The following BRINP3 variants were observed in gnomAD, a reference collection of about 807,000 sequenced individuals.
The protein encoded by BRINP3 is BMP/retinoic acid-inducible neural-specific protein 3.
In BRINP3, 19 loss-of-function variants were observed where a neutral mutation model predicts 71.0. That is an observed-to-expected ratio of 0.27 (90% CI 0.19 to 0.39). The LOEUF (loss-of-function observed/expected upper bound fraction) is 0.39. Ranked by LOEUF, BRINP3 falls within the 10% of genes least tolerant of loss-of-function variation. The probability of loss-of-function intolerance (pLI) is 1.00; values close to 1 mark genes in which losing one functional copy is unlikely to be tolerated. For synonymous variants in BRINP3, 380 were observed against 337.7 expected (o/e 1.13, Z -1.37); for missense variants, 959 against 940.8 (o/e 1.02, Z -0.25).
chr1:190,277,704 T>G (rs1301553898), intron 3 of BRINP3, among the ~76,000 whole-genome samples: 1 of 151,782 alleles, frequency 6.6e-6, no homozygotes. Context: ...TTAGTATTTG[T>G]CATATATTGA....
intron 4 of BRINP3, among the ~76,000 whole-genome samples, chr1:190,251,253 A>G (rs1337838337): frequency 6.6e-6 from 1 of 151,936 alleles, no homozygotes; most frequent in Non-Finnish European, 1.5e-5. Context: ...ACTTATAACT[A>G]TGAGCATAAT....
At chr1:190,209,593 C>A (rs1655809681) in intron 6 of BRINP3, among the ~76,000 whole-genome samples, 1 of 152,104 alleles carries the variant, frequency 6.6e-6, no homozygotes, top group African/African-American at 2.4e-5. Flanking sequence ...GCATGAGTGA[C>A]AACTTTGTAT....
chr1:190,357,940 G>A (rs1369793426), intron 2 of BRINP3, among the ~76,000 whole-genome samples: 1 of 151,380 alleles, frequency 6.6e-6, no homozygotes, highest in Admixed American at 6.6e-5. Flanking sequence ...ATGGTTCTGG[G>A]AAAACTGGCT....
chr1:190,165,835 T>C (rs1651484298), intron 6 of BRINP3, among the ~76,000 whole-genome samples: 1 of 152,094 alleles, frequency 6.6e-6, no homozygotes, highest in Non-Finnish European at 1.5e-5. Context: ...CAAGAAAAGT[T>C]GAGACAGAGA....
chr1:190,208,202 C>T (rs971469774), intron 6 of BRINP3, among the ~76,000 whole-genome samples: 25 of 151,850 alleles, frequency 1.6e-4, no homozygotes, highest in Admixed American at 3.9e-4. Flanking sequence ...AAGCTATCCA[C>T]CCAACACGGC....
chr1:190,134,554 T>C (rs1350292759), intron 7 of BRINP3, among the ~76,000 whole-genome samples: 1 of 152,082 alleles, frequency 6.6e-6, no homozygotes, highest in Non-Finnish European at 1.5e-5. Context: ...AGTTATACTT[T>C]TAGGAAGACA....
chr1:190,217,798 CT>C (rs1239750970), intron 6 of BRINP3, among the ~76,000 whole-genome samples: 2 of 151,918 alleles, frequency 1.3e-5, no homozygotes, highest in Non-Finnish European at 2.9e-5. Flanking sequence ...TGGCAAGAGC[CT>C]TTGGTTATAA....
At chr1:190,424,037 T>A (rs1411893348) in intron 2 of BRINP3, among the ~76,000 whole-genome samples, 1 of 151,796 alleles carries the variant, frequency 6.6e-6, no homozygotes, top group East Asian at 1.9e-4. Context: ...GGACTTTTTT[T>A]GTTGGTATAT....
intron 7 of BRINP3, among the ~76,000 whole-genome samples, chr1:190,154,804 G>A (rs1656719677): frequency 6.6e-6 from 1 of 152,084 alleles, no homozygotes; most frequent in Admixed American, 6.6e-5. Context: ...TTAGTTGCAG[G>A]CTGAGGTAGC....
chr1:190,263,164 T>C (rs748035638), intron 4 of BRINP3, among the ~76,000 whole-genome samples: 6 of 152,224 alleles, frequency 3.9e-5, no homozygotes, highest in Non-Finnish European at 7.3e-5. Context: ...AGTTTCTGTT[T>C]AAATCCTTGA....
chr1:190,104,438 T>C (rs1651967363), intron 7 of BRINP3, among the ~76,000 whole-genome samples: 1 of 152,118 alleles, frequency 6.6e-6, no homozygotes, highest in Non-Finnish European at 1.5e-5. Context: ...ATTCCTATTA[T>C]GAATGTTATT....
intron 2 of BRINP3, among the ~76,000 whole-genome samples, chr1:190,411,697 T>C (rs1268162160): frequency 1.3e-5 from 2 of 152,160 alleles, no homozygotes; most frequent in African/African-American, 2.4e-5. Context: ...CTAAAATGAC[T>C]GTAAGAATTT....
chr1:190,334,944 A>G (rs1190465275), intron 2 of BRINP3, among the ~76,000 whole-genome samples: 1 of 151,794 alleles, frequency 6.6e-6, no homozygotes, highest in Non-Finnish European at 1.5e-5. Flanking sequence ...TATAATCTAG[A>G]AAGAGACTTC....
At chr1:190,302,549 T>C (rs923798595) in intron 2 of BRINP3, among the ~76,000 whole-genome samples, 1 of 151,862 alleles carries the variant, frequency 6.6e-6, no homozygotes, top group African/African-American at 2.4e-5. Context: ...TGGACACCTC[T>C]CAGTTACACA....
At position 190,401,059 on chromosome 1, in the gene BRINP3, C is replaced by A. The variant is rs368952410; in HGVS notation, c.236+53596G>T. ...AGAAAGCCTAGCTGAGGACAAATAC[C>A]ATATATGCCTGGTGTAGCACAGAGA... On this transcript the variant is annotated intron_variant, in intron 2 of 7. Transcript: ENST00000367462. Among the ~76,000 whole-genome samples the A allele has an allele frequency of 2.6e-5, 4 of 152,144 alleles. No homozygotes were observed. In the East Asian group the frequency reaches 7.7e-4, roughly 29 times the overall value.
chr1:190,466,443 A>G (rs1172809146), intron 1 of BRINP3, among the ~76,000 whole-genome samples: 3 of 151,792 alleles, frequency 2.0e-5, no homozygotes, highest in African/African-American at 7.2e-5. Flanking sequence ...ACAAATAAAT[A>G]TTACATTTAA....
At chr1:190,421,665 T>G (rs1673394975) in intron 2 of BRINP3, among the ~76,000 whole-genome samples, 1 of 151,734 alleles carries the variant, frequency 6.6e-6, no homozygotes. Context: ...ATGTAGTTGC[T>G]ATGTGATAGA....
intron 7 of BRINP3, among the ~76,000 whole-genome samples, chr1:190,108,741 A>T (rs1271627832): frequency 6.6e-6 from 1 of 151,570 alleles, no homozygotes; most frequent in East Asian, 1.9e-4. Context: ...AAGTTACAAA[A>T]TGTAGACCAT....
chr1:190,236,734 T>C (rs1014034419), intron 4 of BRINP3, among the ~76,000 whole-genome samples: 3 of 152,024 alleles, frequency 2.0e-5, no homozygotes, highest in Admixed American at 2.0e-4. Context: ...GTATAATTAA[T>C]ATTTAAATAT....
Sources: gnomAD v4.1 joint callset for allele counts (sites outside exome capture counted in the v4.1 genomes callset) on GRCh38, gnomAD v4.1.1 for gene constraint, MANE v1.5 for transcripts, NCBI Gene and HGNC (gene_info 2026-07-23, HGNC 2026-07-21) for gene names.